The following PPP1R16A variants were observed in gnomAD, a reference collection of about 807,000 sequenced individuals.
The protein encoded by PPP1R16A is myosin phosphatase-targeting subunit 3.
Under a neutral mutation model 46.6 loss-of-function variants are expected in PPP1R16A, and 39 were observed. That is an observed-to-expected ratio of 0.84 (90% CI 0.65 to 1.09). PPP1R16A has a LOEUF of 1.09. Ranked by LOEUF, PPP1R16A falls within the 50% of genes least tolerant of loss-of-function variation. PPP1R16A has a pLI of 0.00. For missense variants in PPP1R16A, 798 were observed against 735.6 expected, an observed-to-expected ratio of 1.08 and a Z score of -0.98; for synonymous variants, 413 against 321.5, an observed-to-expected ratio of 1.28 and a Z score of -3.04.
intron 1 of PPP1R16A, 106 bp downstream of exon 1, chr8:144,478,233 AC>A: frequency 2.6e-6 from 1 of 386,358 alleles, no homozygotes; most frequent in South Asian, 1.4e-4. Flanking sequence ...CTGGGTCGAC[AC>A]CGAGAGAGGA....
At chr8:144,498,117 T>G (rs1279067438) in intron 3 of PPP1R16A, 6 of 455,470 alleles carry the variant, frequency 1.3e-5, no homozygotes, top group Non-Finnish European at 2.6e-5. Flanking sequence ...GCCGGCAGTG[T>G]CTGGCCTGCA....
At chr8:144,498,528 G>A (rs1278285758) in intron 3 of PPP1R16A, 6 of 517,468 alleles carry the variant, frequency 1.2e-5, no homozygotes, top group East Asian at 6.1e-5. Flanking sequence ...TCTGGGGGTC[G>A]GAGGGCTGGA....
Position 144,497,339 on chromosome 8 carries a change from G to C in PPP1R16A, c.145G>C (p.Gly49Arg), listed in dbSNP as rs1166758032. 8 of 1,612,720 alleles carry C rather than the reference G, an allele frequency of 5.0e-6. No homozygotes were observed. In the Middle Eastern group the frequency reaches 5.0e-4, roughly 100 times the overall value. The change falls in exon 3 of 12, where the codon GGT becomes CGT. Residue 49 changes from glycine to arginine, a missense_variant. Coordinates refer to ENST00000435887, the MANE Select transcript of PPP1R16A (RefSeq NM_001329443.2). ...TGAGAAGGAGGCCCAGGGCAAGAAG[G>C]GTCCTGGGGAGCGTCCCCGGAAGGA... is the stretch of plus-strand genomic sequence containing the variant. ...QAEKEAQGKKGPGERPRKEAA... is the reference protein window; with the variant it reads ...QAEKEAQGKKRPGERPRKEAA...
Position 144,497,065 on chromosome 8 carries a change from C to T in PPP1R16A, c.-130C>T, listed in dbSNP as rs941137766. 1.4e-5 allele frequency: 18 copies of T among 1,280,198 alleles called. No homozygotes were observed. The highest frequency in any genetic ancestry group is 2.5e-5 in the East Asian group (1 of 39,486). 79.3% of individuals were successfully genotyped at this position (1,280,198 alleles called of 1,614,324 possible). On this transcript the variant is annotated 5_prime_UTR_variant, in exon 3 of 12. It adds an upstream start codon to the 5' untranslated region. Transcript: ENST00000435887. ...GGGCCTCCTGACCCAGCCAAGGGCA[C>T]GAAGCTCTGGGAAGGGGATGCCCCC...
At chr8:144,480,510 CAG>C (rs1491157393) in intron 1 of PPP1R16A, among the ~76,000 whole-genome samples, 26 of 149,516 alleles carry the variant, frequency 1.7e-4, no homozygotes, top group Non-Finnish European at 3.4e-4. Context: ...TTTTTTGAGA[CAG>C]AGTCTTGCTC....
Position 144,493,099 on chromosome 8 carries a change from C to CT in PPP1R16A, c.-735+2889dup, listed in dbSNP as rs1825883940. Among the ~76,000 whole-genome samples the CT allele has an allele frequency of 6.6e-6, 1 of 152,100 alleles. No homozygotes were observed. Among genetic ancestry groups the CT allele is most frequent in the African/African-American group, 2.4e-5 (1 of 41,436 alleles). The stretch of plus-strand genomic sequence containing the variant: ...CTGTCCTCACGGGGGCTCCTGGGAG[C>CT]TTGGGCTGGGCCTCCCTTCCTGAAT... On this transcript the variant is annotated intron_variant, in intron 2 of 11. Transcript: ENST00000435887. This position sits in a 1 kb window ranked among gnomAD's most constrained non-coding sequence, Gnocchi z 4.3.
chr8:144,491,485 C>T (rs769468896), intron 2 of PPP1R16A, among the ~76,000 whole-genome samples: 15 of 151,970 alleles, frequency 9.9e-5, no homozygotes, highest in African/African-American at 2.2e-4. Flanking sequence ...GGGTGTAGGC[C>T]GGGCATGCTG....
intron 2 of PPP1R16A, among the ~76,000 whole-genome samples, chr8:144,494,717 C>T (rs1270513404): frequency 6.6e-6 from 1 of 152,110 alleles, no homozygotes; most frequent in East Asian, 1.9e-4. Flanking sequence ...GTAGCTACTG[C>T]CCAGGTGGGT....
chr8:144,496,405 C>G (rs948714122), intron 2 of PPP1R16A, 56 bp from the exon 3 acceptor site: 13 of 152,318 alleles, frequency 8.5e-5, no homozygotes, highest in African/African-American at 2.4e-4. Flanking sequence ...GGGGCTCCCC[C>G]GGGCCACCCT....
intron 2 of PPP1R16A, among the ~76,000 whole-genome samples, chr8:144,492,272 C>G (rs1825839933): frequency 1.3e-5 from 2 of 152,190 alleles, no homozygotes; most frequent in Non-Finnish European, 2.9e-5. Flanking sequence ...GTCCCTCTAG[C>G]TGACCTGCTC....
chr8:144,490,982 C>T (rs1428347102), intron 2 of PPP1R16A, among the ~76,000 whole-genome samples: 3 of 151,632 alleles, frequency 2.0e-5, no homozygotes, highest in Non-Finnish European at 2.9e-5. Context: ...TCGCTGGACC[C>T]CAGGAAGTTG....
chr8:144,497,317 G>A lies in PPP1R16A; in HGVS notation c.123G>A (p.Glu41=). The change falls in exon 3 of 12, where the codon GAG becomes GAA. Residue 41 remains glutamate (E), a synonymous_variant. Transcript: ENST00000435887. ...AGGTGAAGATGTGGGCCCAGGCTGA[G>A]AAGGAGGCCCAGGGCAAGAAGGGTC... ...AQQVKMWAQA[E]KEAQGKKGPG... 1 of 1,612,634 alleles carries A rather than the reference G, an allele frequency of 6.2e-7. No individual in the cohort carries two copies. Among genetic ancestry groups the A allele is most frequent in the South Asian group, 1.1e-5 (1 of 91,078 alleles).
chr8:144,490,633 A>G (rs943041138), intron 2 of PPP1R16A, among the ~76,000 whole-genome samples: 1 of 152,178 alleles, frequency 6.6e-6, no homozygotes, highest in Non-Finnish European at 1.5e-5. Flanking sequence ...CTGGCGGGAC[A>G]TCCAGCACTG....
chr8:144,485,643 C>G (rs1451221774), intron 1 of PPP1R16A, among the ~76,000 whole-genome samples: 3 of 152,176 alleles, frequency 2.0e-5, no homozygotes, highest in Non-Finnish European at 4.4e-5. Context: ...CAATGGAGTA[C>G]AGCAGTTCAA....
At chr8:144,483,453 A>G (rs2130190103) in intron 1 of PPP1R16A, among the ~76,000 whole-genome samples, 1 of 152,340 alleles carries the variant, frequency 6.6e-6, no homozygotes, top group East Asian at 1.9e-4. Context: ...TCTGTCGCCC[A>G]GGCTGGAGTG....
chr8:144,496,198 C>G (rs1344920932), intron 2 of PPP1R16A: 1 of 152,322 alleles, frequency 6.6e-6, no homozygotes, highest in South Asian at 2.1e-4. Context: ...GCGGCCCTTT[C>G]TGGAAAGGGT....
At chr8:144,500,438 C>CT (rs1195905575) in intron 7 of PPP1R16A, 47 bp downstream of exon 7, 10 of 1,533,858 alleles carry the variant, frequency 6.5e-6, no homozygotes, top group Non-Finnish European at 8.7e-6. Flanking sequence ...GGCCTCGCTA[C>CT]TTGGAGGTGG....
rs1026065551 is a variant in PPP1R16A at position 144,484,730 on chromosome 8, T to A, written c.-913-5304T>A. ...CCCCTGACAGACATTGCGTGAGAGC[T>A]CATGGTTAGCGGGCCAGTCCCTGGT... is the stretch of plus-strand genomic sequence containing the variant. On this transcript the variant is annotated intron_variant, in intron 1 of 11. Coordinates refer to ENST00000435887, the MANE Select transcript of PPP1R16A (RefSeq NM_001329443.2). Among the ~76,000 whole-genome samples the A allele has an allele frequency of 6.6e-5, 10 of 152,172 alleles. No individual in the cohort carries two copies. In the East Asian group the frequency reaches 1.7e-3, roughly 26 times the overall value.
At chr8:144,499,224 C>G in intron 5 of PPP1R16A, 163 bp downstream of exon 5, 1 of 943,026 alleles carries the variant, frequency 1.1e-6, no homozygotes, top group African/African-American at 1.7e-5. Context: ...GCCTGGGGCT[C>G]CAGGGGAATG....
Sources: gnomAD v4.1 joint callset for allele counts (sites outside exome capture counted in the v4.1 genomes callset) on GRCh38, gnomAD v4.1.1 for gene constraint, Gnocchi (gnomAD v3.1) non-coding constraint, MANE v1.5 for transcripts, NCBI Gene and HGNC (gene_info 2026-07-23, HGNC 2026-07-21) for gene names.